Variants in PDIA6 observed in about 807,000 individuals in gnomAD.
PDIA6 encodes protein disulfide-isomerase A6.
PDIA6 carries 29 observed loss-of-function variants against 58.4 expected under a neutral mutation model. That is an observed-to-expected ratio of 0.50 (90% CI 0.37 to 0.68). PDIA6 has a LOEUF of 0.68. Ranked by LOEUF, PDIA6 falls within the 30% of genes least tolerant of loss-of-function variation. The probability of loss-of-function intolerance (pLI) is 0.00; values close to 1 mark genes in which losing one functional copy is unlikely to be tolerated. For synonymous variants in PDIA6, 192 were observed against 202.6 expected (o/e 0.95, Z 0.44); for missense variants, 480 against 551.0 (o/e 0.87, Z 1.29).
intron 2 of PDIA6, among the ~76,000 whole-genome samples, chr2:10,800,686 T>G (rs1487622830): frequency 6.6e-6 from 1 of 151,854 alleles, no homozygotes; most frequent in Non-Finnish European, 1.5e-5. Context: ...CTGCAGCTTC[T>G]ACCTCACAGG....
At chr2:10,807,512 G>A (rs570064015) in intron 1 of PDIA6, among the ~76,000 whole-genome samples, 36 of 152,094 alleles carry the variant, frequency 2.4e-4, no homozygotes, top group African/African-American at 8.4e-4. Flanking sequence ...CAATGTTAAC[G>A]AAATTTCTAT....
In PDIA6 at chr2:10,804,019, C is replaced by T. The variant is rs1180645444; in HGVS notation, c.20-1379G>A. On this transcript the variant is annotated intron_variant, in intron 1 of 12. Coordinates refer to ENST00000272227, the MANE Select transcript of PDIA6 (RefSeq NM_005742.4). The stretch of plus-strand genomic sequence containing the variant: ...TGCCACCCGGGTTCACGCCATTCTC[C>T]TGCCTCAACCTCCTGAGTAACCGGG... Among the ~76,000 whole-genome samples, 3 of 151,540 alleles carry T rather than the reference C, an allele frequency of 2.0e-5. No individual in the cohort carries two copies. The East Asian group carries it at 5.9e-4, about 30-fold the overall frequency.
At chr2:10,821,173 C>G (rs746516666) in intron 1 of PDIA6, 8 of 272,344 alleles carry the variant, frequency 2.9e-5, no homozygotes, top group Non-Finnish European at 5.0e-5. Context: ...TTCCTTCCCC[C>G]TCTCTTACCT....
At chr2:10,799,464 C>T (rs962207822) in intron 2 of PDIA6, among the ~76,000 whole-genome samples, 3 of 152,278 alleles carry the variant, frequency 2.0e-5, no homozygotes, top group South Asian at 2.1e-4. Context: ...CCCAATATCA[C>T]AGCCATCCAG....
At chr2:10,812,948 G>C, upstream of PDIA6, 1 of 657,864 alleles carries the variant, frequency 1.5e-6, no homozygotes, top group Non-Finnish European at 2.0e-6. Flanking sequence ...TTTTTTTCAC[G>C]GGGGCGGTGG....
chr2:10,810,592 C>CCT (rs1284757001), intron 1 of PDIA6, among the ~76,000 whole-genome samples: 1 of 152,022 alleles, frequency 6.6e-6, no homozygotes, highest in Non-Finnish European at 1.5e-5. Flanking sequence ...ACAAGAGCCT[C>CCT]CTCTGCTTGT....
In PDIA6 at chr2:10,806,543, A is replaced by G. The variant is rs192087276; in HGVS notation, c.20-3903T>C. Reference sequence around the variant, plus strand: ...ATAATCCCAACACTTTGGAGGCCAAAGTGGGAGGACTGCTTGAGGCCAGCA... The same window carrying G: ...ATAATCCCAACACTTTGGAGGCCAAGGTGGGAGGACTGCTTGAGGCCAGCA... On this transcript the variant is annotated intron_variant, in intron 1 of 12. Transcript: ENST00000272227. 4.7e-4 allele frequency among the ~76,000 whole-genome samples: 71 copies of G among 149,630 alleles called. No homozygotes were observed. The East Asian group carries it at 0.012, about 26-fold the overall frequency.
chr2:10,787,194 G>T (rs988706089), intron 11 of PDIA6, 87 bp downstream of exon 11: 2 of 1,099,856 alleles, frequency 1.8e-6, no homozygotes, highest in Non-Finnish European at 2.8e-6. Context: ...TTATTACCTG[G>T]CTTATATATA....
intron 8 of PDIA6, 76 bp downstream of exon 8, chr2:10,789,673 T>C: frequency 1.5e-6 from 2 of 1,321,478 alleles, no homozygotes; most frequent in Non-Finnish European, 2.2e-6. Context: ...AAATGAACAG[T>C]GTGTCACACT....
upstream of PDIA6, among the ~76,000 whole-genome samples, chr2:10,815,813 G>A (rs1461558781): frequency 1.3e-5 from 2 of 152,176 alleles, no homozygotes; most frequent in Non-Finnish European, 2.9e-5. Context: ...CCAAGGTGCC[G>A]AGATTACAGG....
At chr2:10,819,365 G>C (rs1572700366) in intron 1 of PDIA6, 1 of 1,454,834 alleles carries the variant, frequency 6.9e-7, no homozygotes, top group African/African-American at 1.4e-5. Context: ...CTGAAAGTGA[G>C]AGAGAAGAGG....
rs56308831 is a variant in PDIA6, at chr2:10,809,645, CA to C, written c.19+3032del. On this transcript the variant is annotated intron_variant, in intron 1 of 12. Coordinates refer to ENST00000272227, the MANE Select transcript of PDIA6 (RefSeq NM_005742.4). ...TGGGAGGCAGAGCAAGACCCGGTCT[CA>C]AAAAAAAAAAAAAAAAAAAAAAAAA... Among the ~76,000 whole-genome samples, 494 of 64,628 alleles carry C rather than the reference CA, an allele frequency of 7.6e-3. 2 individuals are homozygous for C. The highest frequency in any genetic ancestry group is 0.024 in the African/African-American group (460 of 19,282). 42.4% of individuals were successfully genotyped at this position (64,628 alleles called of 152,430 possible). A position where few individuals can be genotyped will look rare whatever the true frequency, so the allele number is the denominator to read the frequency against.
upstream of PDIA6, among the ~76,000 whole-genome samples, chr2:10,815,957 G>C (rs575104446): frequency 2.2e-4 from 34 of 151,810 alleles, no homozygotes; most frequent in East Asian, 6.2e-3. Context: ...CAGAACCTCT[G>C]TACCCATTAA....
chr2:10,825,256 G>GTCTCTCTCTGTC (rs61409733), intron 1 of PDIA6, among the ~76,000 whole-genome samples: 3 of 81,526 alleles, frequency 3.7e-5, no homozygotes, highest in Non-Finnish European at 6.3e-5. Context: ...CTCTCTCTCT[G>GTCTCTCTCTGTC]TCTCTCTCTG....
upstream of PDIA6, among the ~76,000 whole-genome samples, chr2:10,835,481 C>T (rs1667813676): frequency 6.6e-6 from 1 of 152,128 alleles, no homozygotes; most frequent in Non-Finnish European, 1.5e-5. Flanking sequence ...ACGAGGCCGG[C>T]GCACCCACCA....
intron 2 of PDIA6, among the ~76,000 whole-genome samples, chr2:10,801,905 A>G (rs986489152): frequency 6.6e-6 from 1 of 152,226 alleles, no homozygotes; most frequent in African/African-American, 2.4e-5. Context: ...TCACAGACAC[A>G]CAGCTGGCTA....
intron 12 of PDIA6, 33 bp downstream of exon 12, chr2:10,784,901 G>T: frequency 7.0e-7 from 1 of 1,432,996 alleles, no homozygotes; most frequent in Non-Finnish European, 9.7e-7. Context: ...AACCAGGACT[G>T]CTGCCCGCAC....
At chr2:10,803,756 A>G (rs1734365) in intron 1 of PDIA6, among the ~76,000 whole-genome samples, 74,014 of 151,792 alleles carry the variant, frequency 0.49, 19,593 homozygotes, top group South Asian at 0.58. Flanking sequence ...TTACATATAC[A>G]GTCACATCCA....
At chr2:10,799,759 T>G (rs1198633425) in intron 2 of PDIA6, among the ~76,000 whole-genome samples, 2 of 152,088 alleles carry the variant, frequency 1.3e-5, no homozygotes, top group Non-Finnish European at 2.9e-5. Context: ...ACTGTCAGAG[T>G]TCATCCTCTC....
Sources: allele counts gnomAD v4.1 joint callset (sites outside exome capture counted in the v4.1 genomes callset), GRCh38; gene constraint gnomAD v4.1.1; transcripts MANE v1.5; gene names NCBI Gene and HGNC (gene_info 2026-07-23, HGNC 2026-07-21).